The following GADL1 variants were observed in gnomAD, a reference collection of about 807,000 sequenced individuals.
GADL1 encodes acidic amino acid decarboxylase GADL1.
In GADL1, 71 loss-of-function variants were observed where a neutral mutation model predicts 69.5. The observed-to-expected ratio is 1.02, with a 90% CI of 0.84 to 1.25. The LOEUF is 1.25. GADL1 is among the 50% of genes most tolerant of loss of function. GADL1 has a pLI of 0.00. For synonymous variants in GADL1, 254 were observed against 214.4 expected, an observed-to-expected ratio of 1.18 and a Z score of -1.62; for missense variants, 737 against 631.8, an observed-to-expected ratio of 1.17 and a Z score of -1.79.
At chr3:30,783,989 G>A (rs925218970) in intron 13 of GADL1, among the ~76,000 whole-genome samples, 1 of 151,956 alleles carries the variant, frequency 6.6e-6, no homozygotes, top group Non-Finnish European at 1.5e-5. Context: ...AAGCACTATA[G>A]CTCCCAACAC....
Position 30,775,835 on chromosome 3 carries a change from G to A in GADL1, c.1392+2344C>T, listed in dbSNP as rs548154351. 8.5e-4 allele frequency among the ~76,000 whole-genome samples: 129 copies of A among 152,238 alleles called. 1 individual carries two copies. The highest frequency in any genetic ancestry group is 1.6e-3 in the Non-Finnish European group (108 of 68,008). On this transcript the variant is annotated intron_variant, in intron 14 of 14. Transcript: ENST00000282538. ...CTACAGGCTGGGTGCGGTGGCTCAC[G>A]CCTGTAATCCCAACAATTTGGGAGG...
At chr3:30,756,242 G>A (rs2125481773) in intron 14 of GADL1, among the ~76,000 whole-genome samples, 1 of 152,244 alleles carries the variant, frequency 6.6e-6, no homozygotes, top group South Asian at 2.1e-4. Flanking sequence ...AGAAACGTAA[G>A]TTCTGAAACT....
intron 12 of GADL1, chr3:30,797,626 A>T (rs1697066111): frequency 6.6e-6 from 1 of 151,574 alleles, no homozygotes; most frequent in Non-Finnish European, 1.5e-5. Flanking sequence ...CCTCTATGCT[A>T]TTAGGCTAGA....
At chr3:30,863,659 C>T (rs533227594) in intron 1 of GADL1, among the ~76,000 whole-genome samples, 2 of 151,962 alleles carry the variant, frequency 1.3e-5, no homozygotes, top group East Asian at 3.9e-4. Flanking sequence ...AGCACTGTAC[C>T]TCACACAGTA....
chr3:30,882,195 A>C (rs1206207038), intron 1 of GADL1, among the ~76,000 whole-genome samples: 2 of 151,960 alleles, frequency 1.3e-5, no homozygotes, highest in South Asian at 2.1e-4. Flanking sequence ...CATCTTAACC[A>C]TTTTTAAGTG....
intron 14 of GADL1, among the ~76,000 whole-genome samples, chr3:30,776,999 TTCTC>T (rs1388967463): frequency 1.3e-5 from 2 of 152,202 alleles, no homozygotes; most frequent in Admixed American, 1.3e-4. Context: ...TAGATACCCT[TTCTC>T]TCTACTTTCA....
chr3:30,764,721 A>G (rs150454263), intron 14 of GADL1, among the ~76,000 whole-genome samples: 1 of 152,334 alleles, frequency 6.6e-6, no homozygotes, highest in African/African-American at 2.4e-5. Flanking sequence ...AGACATGATT[A>G]GTACCAAACT....
intron 14 of GADL1, among the ~76,000 whole-genome samples, chr3:30,738,941 A>G (rs1368355254): frequency 6.6e-6 from 1 of 152,102 alleles, no homozygotes; most frequent in African/African-American, 2.4e-5. Flanking sequence ...AATATTTGGC[A>G]TTGGGAAATT....
chr3:30,740,351 C>T (rs185403754), intron 14 of GADL1, among the ~76,000 whole-genome samples: 500 of 152,192 alleles, frequency 3.3e-3, no homozygotes, highest in Non-Finnish European at 4.9e-3. Context: ...CTACATGCCA[C>T]GTCTAAGGGG....
chr3:30,755,417 T>G (rs533149950), intron 14 of GADL1, among the ~76,000 whole-genome samples: 9 of 152,290 alleles, frequency 5.9e-5, no homozygotes, highest in Admixed American at 2.6e-4. Context: ...GCTAAAAACT[T>G]CTCTAAGCCA....
At chr3:30,808,497 C>CAAAAAA (rs58653600) in intron 11 of GADL1, among the ~76,000 whole-genome samples, 2 of 140,404 alleles carry the variant, frequency 1.4e-5, no homozygotes, top group African/African-American at 2.6e-5. Context: ...GACTCTATCT[C>CAAAAAA]AAAAAAAAAA....
At chr3:30,852,041 A>G (rs1698155253) in intron 4 of GADL1, among the ~76,000 whole-genome samples, 1 of 152,164 alleles carries the variant, frequency 6.6e-6, no homozygotes, top group Admixed American at 6.5e-5. Context: ...TGTGTACTCT[A>G]AATATGTAAG....
At chr3:30,770,813 CAAGAG>C (rs57065159) in intron 14 of GADL1, among the ~76,000 whole-genome samples, 36,443 of 151,654 alleles carry the variant, frequency 0.24, 6,993 homozygotes, top group African/African-American at 0.54. Context: ...CCAACAGAAA[CAAGAG>C]AAGAGAGGCT....
intron 13 of GADL1, among the ~76,000 whole-genome samples, chr3:30,782,023 T>C (rs1356213843): frequency 2.6e-5 from 4 of 152,204 alleles, no homozygotes; most frequent in African/African-American, 9.6e-5. Context: ...ATGTTATAGA[T>C]ATTGACTAGG....
intron 1 of GADL1, among the ~76,000 whole-genome samples, chr3:30,888,780 G>C (rs556934823): frequency 6.6e-6 from 1 of 151,834 alleles, no homozygotes; most frequent in Non-Finnish European, 1.5e-5. Context: ...TTTCCTTTAA[G>C]ACTGAAAAAG....
intron 14 of GADL1, among the ~76,000 whole-genome samples, chr3:30,769,439 G>C (rs1257270167): frequency 4.6e-5 from 7 of 152,098 alleles, no homozygotes; most frequent in African/African-American, 1.7e-4. Context: ...GGAAGCTGAG[G>C]ATGATTCCTA....
chr3:30,730,829 A>C (rs1453940367), intron 14 of GADL1, among the ~76,000 whole-genome samples: 1 of 152,208 alleles, frequency 6.6e-6, no homozygotes, highest in Non-Finnish European at 1.5e-5. Flanking sequence ...GCATATGTGG[A>C]TATAAATGGG....
intron 14 of GADL1, among the ~76,000 whole-genome samples, chr3:30,760,608 C>A (rs1409081446): frequency 6.6e-6 from 1 of 152,176 alleles, no homozygotes; most frequent in East Asian, 1.9e-4. Flanking sequence ...CTCACCATAC[C>A]AGACTCCAAA....
At chr3:30,854,822 AGC>A in intron 3 of GADL1, 33 bp from the exon 4 acceptor site, 4 of 1,152,052 alleles carry the variant, frequency 3.5e-6, no homozygotes, top group Admixed American at 2.3e-5. Flanking sequence ...TCATCTATGC[AGC>A]AATAAAAAAA....
Sources: gnomAD v4.1 joint callset for allele counts (sites outside exome capture counted in the v4.1 genomes callset) on GRCh38, gnomAD v4.1.1 for gene constraint, MANE v1.5 for transcripts, NCBI Gene and HGNC (gene_info 2026-07-23, HGNC 2026-07-21) for gene names.